The following CDH4 variants were observed in gnomAD, a reference collection of about 807,000 sequenced individuals.
CDH4 encodes cadherin-4.
A neutral mutation model predicts 86.0 loss-of-function variants in CDH4; 33 were observed. The observed-to-expected ratio is 0.38, with a 90% confidence interval of 0.29 to 0.51. The LOEUF (loss-of-function observed/expected upper bound fraction) is 0.51. CDH4 is among the 20% of genes least tolerant of loss of function. The probability of loss-of-function intolerance (pLI) is 0.86; values close to 1 mark genes in which losing one functional copy is unlikely to be tolerated. For missense variants in CDH4, 1,114 were observed against 1,307.4 expected (o/e 0.85, Z 2.28); for synonymous variants, 555 against 549.4 (o/e 1.01, Z -0.14).
intron 4 of CDH4, among the ~76,000 whole-genome samples, chr20:61,784,373 A>G (rs560990880): frequency 6.4e-5 from 1 of 15,672 alleles, no homozygotes; most frequent in African/African-American, 3.6e-4. Context: ...CTGTGCCCCC[A>G]GGAGAATGTA....
At chr20:61,478,960 ATTT>A (rs549699582) in intron 2 of CDH4, among the ~76,000 whole-genome samples, 3 of 144,668 alleles carry the variant, frequency 2.1e-5, no homozygotes, top group Admixed American at 6.9e-5. Context: ...CATTTTTGAA[ATTT>A]TTTTTTTTTT....
intron 2 of CDH4, among the ~76,000 whole-genome samples, chr20:61,711,089 T>C (rs560846236): frequency 1.1e-4 from 16 of 152,338 alleles, no homozygotes; most frequent in African/African-American, 3.8e-4. Context: ...AATTGGATCA[T>C]AGGGGCAGTT....
chr20:61,874,663 G>A (rs1162024338), intron 7 of CDH4, among the ~76,000 whole-genome samples: 3 of 152,126 alleles, frequency 2.0e-5, no homozygotes, highest in African/African-American at 4.8e-5. Context: ...GGCTGAAAGC[G>A]CCCCACCAGC....
chr20:61,901,424 A>G (rs567173057), intron 8 of CDH4, among the ~76,000 whole-genome samples: 1 of 152,344 alleles, frequency 6.6e-6, no homozygotes, highest in Admixed American at 6.5e-5. Context: ...TACGCTATCA[A>G]TTTTCCAATG....
rs1483727994 is a variant in CDH4 at position 61,783,826 on chromosome 20, C to T, written c.576+10644C>T. On this transcript the variant is annotated intron_variant, in intron 4 of 15. Coordinates refer to ENST00000614565, the MANE Select transcript of CDH4 (RefSeq NM_001794.5). Reference sequence around the variant, plus strand: ...TGTGCCCCCAAGAGAAATGTAATCCCAGTTCCTCGGGACAGTTCTCAAGGC... The same window carrying T: ...TGTGCCCCCAAGAGAAATGTAATCCTAGTTCCTCGGGACAGTTCTCAAGGC... Among the ~76,000 whole-genome samples, 14 of 69,944 alleles carry T rather than the reference C, an allele frequency of 2.0e-4. 1 individual carries two copies. The highest frequency in any genetic ancestry group is 1.8e-3 in the East Asian group (2 of 1,138). The allele number at this position is 69,944 out of a possible 152,430, so 45.9% of individuals were successfully genotyped here.
chr20:61,686,779 GTGTGTGCA>G (rs1186511836), intron 2 of CDH4, among the ~76,000 whole-genome samples: 8 of 152,226 alleles, frequency 5.3e-5, no homozygotes, highest in South Asian at 4.1e-4. Context: ...TCGCGCGTGT[GTGTGTGCA>G]TGTGTGCATG....
intron 2 of CDH4, among the ~76,000 whole-genome samples, chr20:61,335,667 G>A (rs2084613116): frequency 6.6e-6 from 1 of 152,210 alleles, no homozygotes; most frequent in Non-Finnish European, 1.5e-5. Flanking sequence ...TCCCTCCATG[G>A]AGGGCATCTG....
intron 2 of CDH4, among the ~76,000 whole-genome samples, chr20:61,716,329 T>G (rs2087953212): frequency 6.6e-6 from 1 of 151,584 alleles, no homozygotes; most frequent in Non-Finnish European, 1.5e-5. Flanking sequence ...AGCTGCCTCT[T>G]GGCTGGACCT....
chr20:61,571,889 C>T (rs928387751), intron 2 of CDH4, among the ~76,000 whole-genome samples: 5 of 151,916 alleles, frequency 3.3e-5, no homozygotes, highest in Non-Finnish European at 5.9e-5. Flanking sequence ...GTCCCTACCT[C>T]GGCTCTGTGC....
intron 2 of CDH4, among the ~76,000 whole-genome samples, chr20:61,690,205 G>A (rs2087638159): frequency 6.6e-6 from 1 of 152,152 alleles, no homozygotes; most frequent in Admixed American, 6.5e-5. Context: ...ATTGGGCTGG[G>A]ATAATGTTTG....
chr20:61,871,039 A>ATG (rs10590544), intron 6 of CDH4, among the ~76,000 whole-genome samples: 5,384 of 149,806 alleles, frequency 0.036, 230 homozygotes, highest in African/African-American at 0.091. Flanking sequence ...TATTTATAGG[A>ATG]TGTGTGTGTG....
At position 61,807,093 on chromosome 20, in the gene CDH4, T is replaced by C. The variant is rs1251596671; in HGVS notation, c.576+33911T>C. On this transcript the variant is annotated intron_variant, in intron 4 of 15. Coordinates refer to ENST00000614565, the MANE Select transcript of CDH4 (RefSeq NM_001794.5). This position sits in a 1 kb window ranked among gnomAD's most constrained non-coding sequence, Gnocchi z 4.5. ...AAAATGTCTCGCTCATCCCCTGATCTATGAGCTCCCAGGGCCCCGCAGCCC... is the reference window on the plus strand; with the variant it reads ...AAAATGTCTCGCTCATCCCCTGATCCATGAGCTCCCAGGGCCCCGCAGCCC... Among the ~76,000 whole-genome samples, 1 of 152,202 alleles carries C rather than the reference T, an allele frequency of 6.6e-6. No individual in the cohort carries two copies. Among genetic ancestry groups the C allele is most frequent in the African/African-American group, 2.4e-5 (1 of 41,452 alleles).
chr20:61,392,770 A>G lies in CDH4; in HGVS notation c.169+137833A>G, dbSNP rs1388109211. Among the ~76,000 whole-genome samples the G allele has an allele frequency of 6.6e-6, 1 of 152,192 alleles. No homozygotes were observed. The highest frequency in any genetic ancestry group is 1.9e-4 in the East Asian group (1 of 5,198). On this transcript the variant is annotated intron_variant, in intron 2 of 15. Coordinates refer to ENST00000614565, the MANE Select transcript of CDH4 (RefSeq NM_001794.5). This position sits in a 1 kb window ranked among gnomAD's most constrained non-coding sequence, Gnocchi z 5.7. ...GTATTCATCAGAAACTCGGTATTGC[A>G]CATTTATTTCCTAGCGGGGTAGAAA...
intron 7 of CDH4, 130 bp from the exon 8 acceptor site, chr20:61,894,780 A>T (rs532653268): frequency 9.9e-7 from 1 of 1,008,478 alleles, no homozygotes; most frequent in Non-Finnish European, 1.4e-6. Flanking sequence ...CGCCCAGCAC[A>T]CAGCCCCCAG....
intron 2 of CDH4, among the ~76,000 whole-genome samples, chr20:61,314,513 C>T (rs992702434): frequency 1.3e-5 from 2 of 152,154 alleles, no homozygotes; most frequent in Admixed American, 6.5e-5. Context: ...TTTGTCTGTT[C>T]GCCCACCAGT....
intron 2 of CDH4, among the ~76,000 whole-genome samples, chr20:61,699,399 C>T (rs1490110223): frequency 6.6e-6 from 1 of 152,188 alleles, no homozygotes; most frequent in African/African-American, 2.4e-5. Context: ...GACAGGGCCA[C>T]GGTTGCCAGG....
In CDH4 at chr20:61,547,317, A is replaced by G. The variant is rs541691596; in HGVS notation, c.170-196246A>G. Among the ~76,000 whole-genome samples, 519 of 142,586 alleles carry G rather than the reference A, an allele frequency of 3.6e-3. 5 individuals are homozygous for G. The highest frequency in any genetic ancestry group is 0.017 in the Admixed American group (231 of 13,294). The allele number at this position is 142,586 out of a possible 152,430, so 93.5% of individuals were successfully genotyped here. Reference sequence around the variant, plus strand: ...AAGCTCCACCTCCCGGGTTCACACCATTCTCCTGCCTCAGCCTCCCGAGTA... The same window carrying G: ...AAGCTCCACCTCCCGGGTTCACACCGTTCTCCTGCCTCAGCCTCCCGAGTA... On this transcript the variant is annotated intron_variant, in intron 2 of 15. Coordinates refer to ENST00000614565, the MANE Select transcript of CDH4 (RefSeq NM_001794.5).
rs190991642 is a variant in CDH4 at position 61,309,675 on chromosome 20, G to A, written c.169+54738G>A. On this transcript the variant is annotated intron_variant, in intron 2 of 15. Coordinates refer to ENST00000614565, the MANE Select transcript of CDH4 (RefSeq NM_001794.5). ...GTGTTCCTATTTCAGGGAAATGCAT[G>A]AACTTAATTATTCTATTTAGTGGGG... Among the ~76,000 whole-genome samples the A allele has an allele frequency of 3.3e-3, 507 of 152,326 alleles. 1 individual carries two copies. Among genetic ancestry groups the A allele is most frequent in the Non-Finnish European group, 5.3e-3 (360 of 68,024 alleles).
chr20:61,419,103 G>T (rs544085844), intron 2 of CDH4, among the ~76,000 whole-genome samples: 1 of 152,372 alleles, frequency 6.6e-6, no homozygotes, highest in South Asian at 2.1e-4. Flanking sequence ...AACCATGACA[G>T]TGGGTCAGTG....
Sources: allele counts gnomAD v4.1 joint callset (sites outside exome capture counted in the v4.1 genomes callset), GRCh38; gene constraint gnomAD v4.1.1; non-coding constraint Gnocchi (gnomAD v3.1); transcripts MANE v1.5; gene names NCBI Gene and HGNC (gene_info 2026-07-23, HGNC 2026-07-21).